The following ZNF267 variants were observed in gnomAD, a reference collection of about 807,000 sequenced individuals.
ZNF267 encodes the protein zinc finger (C2H2).
In ZNF267, 61 loss-of-function variants were observed where a neutral mutation model predicts 71.6. The observed-to-expected ratio is 0.85, with a 90% CI of 0.69 to 1.05. The LOEUF is 1.05. ZNF267 is among the 50% of genes least tolerant of loss of function. The probability of loss-of-function intolerance (pLI) is 0.00; values close to 1 mark genes in which losing one functional copy is unlikely to be tolerated. For synonymous variants in ZNF267, 288 were observed against 293.2 expected (o/e 0.98, Z 0.18); for missense variants, 852 against 870.0 (o/e 0.98, Z 0.26).
At chr16:31,875,585 T>G (rs1333546410) in intron 1 of ZNF267, among the ~76,000 whole-genome samples, 1 of 152,058 alleles carries the variant, frequency 6.6e-6, no homozygotes, top group East Asian at 1.9e-4. Context: ...CCCAGTGAGG[T>G]GGTGCAAACT....
At position 31,914,746 on chromosome 16, in the gene ZNF267, G is replaced by C; in HGVS notation, c.497G>C (p.Arg166Thr). The change falls in exon 4 of 4, where the codon AGG (arginine) becomes ACG (threonine). Residue 166 changes from arginine to threonine, a missense_variant. Physicochemically the swap from Arg to Thr is moderately conservative, Grantham distance 71. Transcript: ENST00000300870. ...CAKSYNFDQY[R>T]KVFTHSSLLN... ...AAAAGCTATAACTTTGATCAATATA[G>C]GAAGGTCTTTACTCATTCATCATTG... 1 of 1,614,030 alleles carries C rather than the reference G, an allele frequency of 6.2e-7. No homozygotes were observed. Among genetic ancestry groups the C allele is most frequent in the Non-Finnish European group, 8.5e-7 (1 of 1,180,002 alleles).
chr16:31,910,165 T>TG, intron 3 of ZNF267, among the ~76,000 whole-genome samples: 2 of 148,304 alleles, frequency 1.3e-5, no homozygotes, highest in African/African-American at 5.3e-5. Context: ...TTGCTAACAC[T>TG]TTGTTATTTT....
rs150458620 is a variant in ZNF267 at position 31,915,010 on chromosome 16, T to A, written c.761T>A (p.Leu254His). The change falls in exon 4 of 4, where the codon CTT (leucine) becomes CAT (histidine). Residue 254 changes from leucine (L) to histidine (H), a missense_variant. By Grantham distance (99) the Leu-to-His change is moderately conservative. Transcript: ENST00000300870. ...YKCKEFEEVF[L>H]QSMHGQEKQE... ...TGTAAAGAATTTGAGGAAGTCTTTC[T>A]TCAGAGTATGCATGGGCAAGAGAAA... 745 of 1,609,296 alleles carry A rather than the reference T, an allele frequency of 4.6e-4. No homozygotes were observed. Among genetic ancestry groups the A allele is most frequent in the Non-Finnish European group, 5.9e-4 (698 of 1,178,756 alleles).
intron 3 of ZNF267, among the ~76,000 whole-genome samples, chr16:31,897,426 G>C (rs1322816730): frequency 6.6e-6 from 1 of 152,052 alleles, no homozygotes; most frequent in African/African-American, 2.4e-5. Flanking sequence ...CTATATACAT[G>C]AGGATTTATG....
chr16:31,895,567 A>G (rs2083992452), intron 3 of ZNF267, among the ~76,000 whole-genome samples: 1 of 152,196 alleles, frequency 6.6e-6, no homozygotes, highest in South Asian at 2.1e-4. Context: ...TAGTGGCTAT[A>G]CTAATTTATA....
chr16:31,890,635 G>A (rs1011919100), intron 3 of ZNF267, among the ~76,000 whole-genome samples: 1 of 152,180 alleles, frequency 6.6e-6, no homozygotes, highest in Admixed American at 6.5e-5. Context: ...AGTTTATTTG[G>A]CTCATGATTC....
intron 3 of ZNF267, 183 bp from the exon 4 acceptor site, chr16:31,914,293 T>G: frequency 1.8e-6 from 1 of 561,786 alleles, no homozygotes; most frequent in Admixed American, 3.6e-5. Context: ...TGTTGGTGTC[T>G]TAGTAGTTCA....
intron 3 of ZNF267, among the ~76,000 whole-genome samples, chr16:31,905,590 C>G (rs2084082553): frequency 6.6e-6 from 1 of 152,182 alleles, no homozygotes; most frequent in Non-Finnish European, 1.5e-5. Context: ...GCTACTGAGG[C>G]TTGTGCATTC....
chr16:31,884,651 C>G (rs1466680413), intron 2 of ZNF267, 27 bp downstream of exon 2: 3 of 1,596,438 alleles, frequency 1.9e-6, no homozygotes, highest in Non-Finnish European at 2.6e-6. Context: ...TTCGGAATAT[C>G]TAATAACTAA....
intron 3 of ZNF267, among the ~76,000 whole-genome samples, chr16:31,908,589 G>T (rs536423751): frequency 6.6e-6 from 1 of 152,002 alleles, no homozygotes; most frequent in Admixed American, 6.5e-5. Flanking sequence ...GAGAGATAGG[G>T]TCTAGTTTCT....
chr16:31,898,106 G>T (rs2084013130), intron 3 of ZNF267, among the ~76,000 whole-genome samples: 1 of 152,058 alleles, frequency 6.6e-6, no homozygotes, highest in Non-Finnish European at 1.5e-5. Context: ...CTAGCTACTT[G>T]CTTCAATTCT....
chr16:31,915,161 T>C lies in ZNF267; in HGVS notation c.912T>C (p.Leu304=). ...SYSYNKYDKD[L]SQSSNLRKQI... is the part of the protein sequence containing the mutation. ...GCTATAACAAATATGATAAAGATCT[T>C]AGTCAGTCATCAAATCTTAGAAAGC... The change falls in exon 4 of 4, where the codon CTT becomes CTC. Residue 304 remains leucine, a synonymous_variant. Transcript: ENST00000300870. 2 of 1,612,978 alleles carry C rather than the reference T, an allele frequency of 1.2e-6. No homozygotes were observed. The highest frequency in any genetic ancestry group is 2.7e-5 in the African/African-American group (2 of 74,928).
intron 1 of ZNF267, among the ~76,000 whole-genome samples, chr16:31,882,828 C>G (rs1422837817): frequency 1.3e-5 from 2 of 152,326 alleles, no homozygotes; most frequent in Non-Finnish European, 2.9e-5. Context: ...TGCAGGTGCT[C>G]TCTGTCAGAT....
chr16:31,896,112 A>G (rs2083996318), intron 3 of ZNF267, among the ~76,000 whole-genome samples: 2 of 152,128 alleles, frequency 1.3e-5, no homozygotes, highest in Admixed American at 6.5e-5. Context: ...CCTGGGCTCA[A>G]GTGATGCTCC....
chr16:31,898,875 G>A (rs2084018720), intron 3 of ZNF267, among the ~76,000 whole-genome samples: 1 of 152,116 alleles, frequency 6.6e-6, no homozygotes, highest in Non-Finnish European at 1.5e-5. Context: ...AGCAAAAAAA[G>A]CAGGGGTTGC....
At position 31,896,266 on chromosome 16, in the gene ZNF267, C is replaced by T. The variant is rs1006401194; in HGVS notation, c.226+11010C>T. On this transcript the variant is annotated intron_variant, in intron 3 of 3. Coordinates refer to ENST00000300870, the MANE Select transcript of ZNF267 (RefSeq NM_003414.6). The stretch of plus-strand genomic sequence containing the variant: ...ACCTCAAATGATTCTCCCACCTTGG[C>T]GTCCCAAAGCATTGGGATTACAGGC... 7.9e-5 allele frequency among the ~76,000 whole-genome samples: 12 copies of T among 152,160 alleles called. No individual in the cohort carries two copies. The East Asian group carries it at 1.5e-3, about 20-fold the overall frequency.
intron 2 of ZNF267, 111 bp from the exon 3 acceptor site, chr16:31,885,050 A>G: frequency 2.7e-6 from 2 of 741,640 alleles, no homozygotes; most frequent in Non-Finnish European, 4.1e-6. Flanking sequence ...TCTACTGAGC[A>G]CAGTACTAAG....
intron 3 of ZNF267, among the ~76,000 whole-genome samples, chr16:31,894,153 G>C (rs1236807789): frequency 1.3e-5 from 2 of 152,076 alleles, no homozygotes; most frequent in Non-Finnish European, 2.9e-5. Flanking sequence ...CTTCCTTTTG[G>C]GCCATGGCTT....
At position 31,914,776 on chromosome 16, in the gene ZNF267, A is replaced by G. The variant is rs2084160754; in HGVS notation, c.527A>G (p.Asn176Ser). The G allele has an allele frequency of 6.2e-7, 1 of 1,613,626 alleles. No homozygotes were observed. Among genetic ancestry groups the G allele is most frequent in the African/African-American group, 1.3e-5 (1 of 75,014 alleles). ...RKVFTHSSLL[N>S]QQEEIDIWGK... ...GTCTTTACTCATTCATCATTGCTTA[A>G]TCAACAAGAGGAAATAGATATTTGG... Residue 176 changes from asparagine (N) to serine (S), a missense_variant, in exon 4 of 4, where the codon AAT becomes AGT. By Grantham distance (46) the Asn-to-Ser change is conservative (BLOSUM62 1). Coordinates refer to ENST00000300870, the MANE Select transcript of ZNF267 (RefSeq NM_003414.6).
Sources: gnomAD v4.1 joint callset for allele counts (sites outside exome capture counted in the v4.1 genomes callset) on GRCh38, gnomAD v4.1.1 for gene constraint, MANE v1.5 for transcripts, NCBI Gene and HGNC (gene_info 2026-07-23, HGNC 2026-07-21) for gene names.